CACUL1: variants seen among roughly 807,000 people sequenced by gnomAD.
The protein encoded by CACUL1 is CDK2 associated cullin domain 1.
Under a neutral mutation model 45.2 loss-of-function variants are expected in CACUL1, and 13 were observed. That is an observed-to-expected ratio of 0.29 (90% confidence interval 0.19 to 0.46). The LOEUF is 0.46. Ranked by LOEUF, CACUL1 falls within the 20% of genes least tolerant of loss-of-function variation. The pLI is 1.00. For missense variants in CACUL1, 421 were observed against 471.4 expected (o/e 0.89, Z 0.99); for synonymous variants, 197 against 174.2 (o/e 1.13, Z -1.03).
rs1440352326 is a variant in CACUL1 at position 118,681,075 on chromosome 10, C to A, written c.*5053G>T. The A allele has an allele frequency of 2.6e-5, 4 of 152,166 alleles. No individual in the cohort carries two copies. The highest frequency in any genetic ancestry group is 9.7e-5 in the African/African-American group (4 of 41,434). The allele number at this position is 152,166 out of a possible 1,614,324, so 9.4% of individuals were successfully genotyped here. ...TACAGAAGGAGTGATTCAGAACCCA[C>A]CAAAAGATCAAGAGCCAAAGTCAGT... On this transcript the variant is annotated 3_prime_UTR_variant, in exon 9 of 9. Transcript: ENST00000369151.
At chr10:118,721,889 T>C (rs906354084) in intron 3 of CACUL1, among the ~76,000 whole-genome samples, 2 of 152,164 alleles carry the variant, frequency 1.3e-5, no homozygotes, top group African/African-American at 4.8e-5. Flanking sequence ...TGCCTCACAA[T>C]TGTTTCAATG....
intron 1 of CACUL1, among the ~76,000 whole-genome samples, chr10:118,733,605 G>A (rs914381910): frequency 2.0e-5 from 3 of 152,200 alleles, no homozygotes; most frequent in African/African-American, 4.8e-5. Flanking sequence ...TTTAACATCT[G>A]ACACATATAG....
intron 1 of CACUL1, among the ~76,000 whole-genome samples, chr10:118,737,378 C>T (rs770665254): frequency 2.6e-5 from 4 of 152,170 alleles, no homozygotes; most frequent in Non-Finnish European, 5.9e-5. Context: ...TCATTACATT[C>T]AGATGACAAC....
chr10:118,730,167 A>T, intron 2 of CACUL1, 117 bp downstream of exon 2: 2 of 1,123,760 alleles, frequency 1.8e-6, no homozygotes, highest in South Asian at 2.9e-5. Context: ...AATACATAAA[A>T]CACTTACAGA....
intron 1 of CACUL1, among the ~76,000 whole-genome samples, chr10:118,731,772 G>A (rs1158664494): frequency 6.6e-6 from 1 of 152,082 alleles, no homozygotes. Context: ...ACTATGGTGG[G>A]GGATACACCA....
intron 3 of CACUL1, among the ~76,000 whole-genome samples, chr10:118,722,465 CTGAGA>C (rs1343401790): frequency 6.6e-6 from 1 of 152,122 alleles, no homozygotes; most frequent in Non-Finnish European, 1.5e-5. Context: ...TCCATCCTGC[CTGAGA>C]TATCTGTCAG....
intron 5 of CACUL1, among the ~76,000 whole-genome samples, chr10:118,697,020 T>A (rs923054441): frequency 5.8e-4 from 88 of 152,342 alleles, no homozygotes; most frequent in African/African-American, 2.0e-3. Context: ...CAAAGATATA[T>A]ACATAAAATG....
intron 1 of CACUL1, among the ~76,000 whole-genome samples, chr10:118,746,599 T>C (rs1234009812): frequency 2.0e-5 from 3 of 152,122 alleles, no homozygotes; most frequent in Admixed American, 1.3e-4. Flanking sequence ...ATTGACAGTT[T>C]AGACATTATC....
chr10:118,740,931 A>AC (rs1845786793), intron 1 of CACUL1, among the ~76,000 whole-genome samples: 1 of 152,060 alleles, frequency 6.6e-6, no homozygotes, highest in Non-Finnish European at 1.5e-5. Flanking sequence ...ATCTCAAAAA[A>AC]AAAAAAAACA....
At chr10:118,744,816 T>C (rs1298350718) in intron 1 of CACUL1, among the ~76,000 whole-genome samples, 1 of 152,038 alleles carries the variant, frequency 6.6e-6, no homozygotes, top group Non-Finnish European at 1.5e-5. Context: ...CCACTACACC[T>C]GGCTAATTTT....
At chr10:118,695,934 T>C (rs1344953260) in intron 5 of CACUL1, among the ~76,000 whole-genome samples, 1 of 152,224 alleles carries the variant, frequency 6.6e-6, no homozygotes, top group Non-Finnish European at 1.5e-5. Context: ...AATGATTCAT[T>C]TTTAATTTAT....
chr10:118,737,395 A>G (rs1421489631), intron 1 of CACUL1, among the ~76,000 whole-genome samples: 1 of 152,202 alleles, frequency 6.6e-6, no homozygotes, highest in East Asian at 1.9e-4. Context: ...CAACAACCAG[A>G]TGACACTGAT....
Position 118,680,468 on chromosome 10 carries a change from A to G in CACUL1, c.*5660T>C, listed in dbSNP as rs1845142101. On this transcript the variant is annotated 3_prime_UTR_variant, in exon 9 of 9. Transcript: ENST00000369151. ...AGGGATGAGAACTGGCATTCTGACA[A>G]TACTGTAGGAAAGGACACCTCTACA... 1 of 152,262 alleles carries G rather than the reference A, an allele frequency of 6.6e-6. No homozygotes were observed. Among genetic ancestry groups the G allele is most frequent in the South Asian group, 2.1e-4 (1 of 4,836 alleles). The allele number at this position is 152,262 out of a possible 1,614,324, so 9.4% of individuals were successfully genotyped here. A position where few individuals can be genotyped will look rare whatever the true frequency, so the allele number is the denominator to read the frequency against.
In CACUL1 at chr10:118,684,651, C is replaced by T. The variant is rs1211390543; in HGVS notation, c.*1477G>A. 2 of 152,168 alleles carry T rather than the reference C, an allele frequency of 1.3e-5. No individual in the cohort carries two copies. Among genetic ancestry groups the T allele is most frequent in the African/African-American group, 2.4e-5 (1 of 41,440 alleles). The allele number at this position is 152,168 out of a possible 1,614,324, so 9.4% of individuals were successfully genotyped here. A position where few individuals can be genotyped will look rare whatever the true frequency, so the allele number is the denominator to read the frequency against. ...TCAATTATTGGGTGACTTACTTGCTCCCAATATCCCACTTCTAACTCTCCC... is the reference window on the plus strand; with the variant it reads ...TCAATTATTGGGTGACTTACTTGCTTCCAATATCCCACTTCTAACTCTCCC... On this transcript the variant is annotated 3_prime_UTR_variant, in exon 9 of 9. Transcript: ENST00000369151.
intron 3 of CACUL1, chr10:118,726,285 G>C (rs751048309): frequency 4.7e-6 from 6 of 1,272,192 alleles, no homozygotes; most frequent in East Asian, 5.6e-5. Flanking sequence ...TACAAATCTA[G>C]AGAGCACAGG....
chr10:118,687,163 C>T (rs761174556), intron 7 of CACUL1, among the ~76,000 whole-genome samples: 1 of 152,156 alleles, frequency 6.6e-6, no homozygotes, highest in Non-Finnish European at 1.5e-5. Context: ...GCTGGCTCTA[C>T]CCAGCCCTCT....
intron 1 of CACUL1, among the ~76,000 whole-genome samples, chr10:118,734,188 A>G (rs7099523): frequency 0.57 from 86,069 of 152,086 alleles, 25,688 homozygotes; most frequent in Non-Finnish European, 0.68. Flanking sequence ...CTTGATTTCT[A>G]CAGTTCAGTA....
chr10:118,682,591 C>T lies in CACUL1; in HGVS notation c.*3537G>A, dbSNP rs1845164221. On this transcript the variant is annotated 3_prime_UTR_variant, in exon 9 of 9. Transcript: ENST00000369151. ...CCTTTGCTAGTATGCGTACAGACCA[C>T]CACTCGGAAGTTATCCTTTTGTGCT... 6.6e-6 allele frequency: 1 copy of T among 152,658 alleles called. No individual in the cohort carries two copies. Among genetic ancestry groups the T allele is most frequent in the African/African-American group, 2.4e-5 (1 of 41,464 alleles). 9.5% of individuals were successfully genotyped at this position (152,658 alleles called of 1,614,324 possible).
At position 118,681,779 on chromosome 10, in the gene CACUL1, T is replaced by TTCAAGGTGGG. The variant is rs543786019; in HGVS notation, c.*4339_*4348dup. 7.8e-4 allele frequency: 118 copies of TTCAAGGTGGG among 152,152 alleles called. 1 individual carries two copies. Among genetic ancestry groups the TTCAAGGTGGG allele is most frequent in the African/African-American group, 2.8e-3 (117 of 41,434 alleles). 9.4% of individuals were successfully genotyped at this position (152,152 alleles called of 1,614,324 possible). A position where few individuals can be genotyped will look rare whatever the true frequency, so the allele number is the denominator to read the frequency against. ...CATGCCACTCGGCTCTGAAAAGAGG[T>TTCAAGGTGGG]TCAAGGTGGGTCAAGGTGGGTCTTG... On this transcript the variant is annotated 3_prime_UTR_variant, in exon 9 of 9. Coordinates refer to ENST00000369151, the MANE Select transcript of CACUL1 (RefSeq NM_153810.5).
Sources: allele counts gnomAD v4.1 joint callset (sites outside exome capture counted in the v4.1 genomes callset), GRCh38; gene constraint gnomAD v4.1.1; transcripts MANE v1.5; gene names NCBI Gene and HGNC (gene_info 2026-07-23, HGNC 2026-07-21).